The following XRCC4 variants were observed in gnomAD, a reference collection of about 807,000 sequenced individuals.
XRCC4 encodes the protein X-ray repair cross complementing 4, also known as DNA repair protein XRCC4.
Under a neutral mutation model 39.1 loss-of-function variants are expected in XRCC4, and 28 were observed. That is an observed-to-expected ratio of 0.72 (90% CI 0.53 to 0.98). The LOEUF is 0.98. Among genes scored for constraint, XRCC4 ranks in the 50% least tolerant of loss-of-function variants. The probability of loss-of-function intolerance (pLI) is 0.00; values close to 1 mark genes in which losing one functional copy is unlikely to be tolerated. For missense variants in XRCC4, 350 were observed against 376.4 expected, an observed-to-expected ratio of 0.93 and a Z score of 0.58; for synonymous variants, 123 against 126.4, an observed-to-expected ratio of 0.97 and a Z score of 0.18.
intron 7 of XRCC4, among the ~76,000 whole-genome samples, chr5:83,290,139 G>T (rs1754867864): frequency 6.6e-6 from 1 of 151,726 alleles, no homozygotes; most frequent in Non-Finnish European, 1.5e-5. Context: ...CAGATTTTTG[G>T]ATGGTTGTTT....
chr5:83,251,899 T>A (rs1286158533), intron 6 of XRCC4, among the ~76,000 whole-genome samples: 3 of 152,240 alleles, frequency 2.0e-5, no homozygotes, highest in Non-Finnish European at 4.4e-5. Flanking sequence ...TTGACCTGTC[T>A]TGTAAGATGG....
chr5:83,310,598 G>C (rs1440942607), intron 7 of XRCC4, among the ~76,000 whole-genome samples: 1 of 152,192 alleles, frequency 6.6e-6, no homozygotes, highest in Non-Finnish European at 1.5e-5. Flanking sequence ...ATGTGAAAGA[G>C]GAAGGCATAA....
At chr5:83,164,313 G>C (rs1238796906) in intron 3 of XRCC4, among the ~76,000 whole-genome samples, 1 of 152,004 alleles carries the variant, frequency 6.6e-6, no homozygotes, top group Non-Finnish European at 1.5e-5. Context: ...AGGAATTTTT[G>C]TTATGCATCT....
intron 6 of XRCC4, among the ~76,000 whole-genome samples, chr5:83,238,062 C>A (rs1420831967): frequency 6.6e-6 from 1 of 152,094 alleles, no homozygotes; most frequent in Non-Finnish European, 1.5e-5. Context: ...CTGCCTCAAA[C>A]TTCTGGGTTC....
chr5:83,094,601 T>C (rs1745588959), intron 1 of XRCC4, among the ~76,000 whole-genome samples: 2 of 151,888 alleles, frequency 1.3e-5, no homozygotes, highest in South Asian at 4.1e-4. Context: ...TAATTGTTTC[T>C]ATTTCTTTGT....
At chr5:83,190,296 A>G (rs1436964430) in intron 3 of XRCC4, among the ~76,000 whole-genome samples, 1 of 152,154 alleles carries the variant, frequency 6.6e-6, no homozygotes, top group African/African-American at 2.4e-5. Context: ...TATCACAACT[A>G]TATATATGCA....
chr5:83,148,434 G>A (rs1174796529), intron 3 of XRCC4, among the ~76,000 whole-genome samples: 2 of 152,118 alleles, frequency 1.3e-5, no homozygotes, highest in African/African-American at 4.8e-5. Context: ...TATGAAATGA[G>A]GGGATGAATC....
chr5:83,360,917 A>G, the XRCC4 span, among the ~76,000 whole-genome samples: 1 of 152,168 alleles, frequency 6.6e-6, no homozygotes, highest in Non-Finnish European at 1.5e-5. Context: ...CTTATATGGA[A>G]TAACAATTTT....
At chr5:83,284,839 T>A (rs1050750430) in intron 7 of XRCC4, among the ~76,000 whole-genome samples, 1 of 152,126 alleles carries the variant, frequency 6.6e-6, no homozygotes. Context: ...ACTTATATAC[T>A]ATTAGAATAG....
At chr5:83,141,057 C>T (rs765789960) in intron 3 of XRCC4, among the ~76,000 whole-genome samples, 5 of 152,152 alleles carry the variant, frequency 3.3e-5, no homozygotes, top group Admixed American at 6.5e-5. Context: ...AAGGGTAGTA[C>T]GCTATAAACA....
chr5:83,329,393 A>G (rs1756365913), intron 7 of XRCC4, among the ~76,000 whole-genome samples: 1 of 152,170 alleles, frequency 6.6e-6, no homozygotes, highest in African/African-American at 2.4e-5. Context: ...GCTGACAAAG[A>G]ATTTGTATTC....
At chr5:83,286,992 A>G (rs545551068) in intron 7 of XRCC4, among the ~76,000 whole-genome samples, 1 of 152,226 alleles carries the variant, frequency 6.6e-6, no homozygotes, top group East Asian at 1.9e-4. Context: ...ACTGCCACCA[A>G]TAATAAATTC....
At chr5:83,295,716 G>GCATGCA (rs1554072634) in intron 7 of XRCC4, among the ~76,000 whole-genome samples, 16 of 151,794 alleles carry the variant, frequency 1.1e-4, no homozygotes, top group African/African-American at 3.6e-4. Context: ...ACACACACAT[G>GCATGCA]CACGCACACG....
chr5:83,197,684 G>C (rs1339809206), intron 4 of XRCC4, among the ~76,000 whole-genome samples: 1 of 152,098 alleles, frequency 6.6e-6, no homozygotes, highest in Non-Finnish European at 1.5e-5. Flanking sequence ...TTGTCTTGTT[G>C]TGAAGAGATT....
At chr5:83,166,073 G>A (rs1749458716) in intron 3 of XRCC4, among the ~76,000 whole-genome samples, 1 of 151,894 alleles carries the variant, frequency 6.6e-6, no homozygotes, top group African/African-American at 2.4e-5. Flanking sequence ...TTTTAGTAGA[G>A]ATGGGGTTTC....
chr5:83,328,935 A>G (rs1756351263), intron 7 of XRCC4, among the ~76,000 whole-genome samples: 1 of 152,038 alleles, frequency 6.6e-6, no homozygotes, highest in Non-Finnish European at 1.5e-5. Context: ...TTTATTTTTA[A>G]TTTTTTAAAT....
intron 3 of XRCC4, among the ~76,000 whole-genome samples, chr5:83,180,961 T>G (rs1750176004): frequency 6.6e-6 from 1 of 151,648 alleles, no homozygotes; most frequent in Non-Finnish European, 1.5e-5. Context: ...GCATGATAAT[T>G]TAAAAAGTCA....
At chr5:83,237,101 A>G (rs984639409) in intron 6 of XRCC4, among the ~76,000 whole-genome samples, 1 of 152,052 alleles carries the variant, frequency 6.6e-6, no homozygotes, top group Non-Finnish European at 1.5e-5. Context: ...ACCCTTGTGT[A>G]ATCTTGGTGG....
chr5:83,242,065 A>G (rs1447463936), intron 6 of XRCC4, among the ~76,000 whole-genome samples: 1 of 123,410 alleles, frequency 8.1e-6, no homozygotes, highest in Non-Finnish European at 1.7e-5. Flanking sequence ...AGAGGCAGGC[A>G]AATTCAGTGT....
Sources: gnomAD v4.1 joint callset for allele counts (sites outside exome capture counted in the v4.1 genomes callset) on GRCh38, gnomAD v4.1.1 for gene constraint, MANE v1.5 for transcripts, NCBI Gene and HGNC (gene_info 2026-07-23, HGNC 2026-07-21) for gene names.